PDGFD: variants seen among roughly 807,000 people sequenced by gnomAD.
The protein encoded by PDGFD is platelet-derived growth factor D.
A neutral mutation model predicts 44.7 loss-of-function variants in PDGFD; 30 were observed. That is an observed-to-expected ratio of 0.67 (90% CI 0.50 to 0.91). The LOEUF is 0.91. Ranked by LOEUF, PDGFD falls within the 40% of genes least tolerant of loss-of-function variation. The pLI, the probability that PDGFD is intolerant of heterozygous loss-of-function variation, is 0.00. For missense variants in PDGFD, 445 were observed against 457.8 expected, an observed-to-expected ratio of 0.97 and a Z score of 0.25; for synonymous variants, 173 against 168.4, an observed-to-expected ratio of 1.03 and a Z score of -0.21.
chr11:104,029,809 A>G (rs1281283342), intron 1 of PDGFD, among the ~76,000 whole-genome samples: 1 of 152,208 alleles, frequency 6.6e-6, no homozygotes, highest in Non-Finnish European at 1.5e-5. Flanking sequence ...GTGTATGTGG[A>G]TAACATGAAA....
In PDGFD at chr11:103,943,653, A is replaced by G; in HGVS notation, c.574-3T>C. 6.2e-7 allele frequency: 1 copy of G among 1,610,662 alleles called. No homozygotes were observed. The highest frequency in any genetic ancestry group is 8.5e-7 in the Non-Finnish European group (1 of 1,178,042). ...GATGGAGAGTTATAGGATACCCCCT[A>G]AGAGTGACATACAGCTCAGTGTACT... is the stretch of plus-strand genomic sequence containing the variant. On this transcript the variant is annotated splice_polypyrimidine_tract_variant and splice_region_variant and intron_variant, in intron 4 of 6. Transcript: ENST00000393158.
At chr11:103,989,075 C>T (rs1403420541) in intron 3 of PDGFD, among the ~76,000 whole-genome samples, 1 of 151,918 alleles carries the variant, frequency 6.6e-6, no homozygotes, top group Non-Finnish European at 1.5e-5. Flanking sequence ...TCAGGACTGT[C>T]CCACCAAATT....
At position 104,103,303 on chromosome 11, in the gene PDGFD, ATC is replaced by A. The variant is rs1244375595; in HGVS notation, c.124+60499_124+60500del. On this transcript the variant is annotated intron_variant, in intron 1 of 6. Coordinates refer to ENST00000393158, the MANE Select transcript of PDGFD (RefSeq NM_025208.5). ...TTTTATTTTTATAAGTATAACCAAA[ATC>A]TCTTGTATGTTTTTTCCTCAGTCTC... is the stretch of plus-strand genomic sequence containing the variant. 2.6e-5 allele frequency among the ~76,000 whole-genome samples: 4 copies of A among 151,834 alleles called. No homozygotes were observed. In the East Asian group the frequency reaches 5.8e-4, roughly 22 times the overall value.
At chr11:104,153,501 G>T (rs764254675) in intron 1 of PDGFD, among the ~76,000 whole-genome samples, 1 of 152,096 alleles carries the variant, frequency 6.6e-6, no homozygotes, top group Non-Finnish European at 1.5e-5. Context: ...AACTGAGGAG[G>T]GTTGGGAGTC....
At chr11:104,112,061 T>C (rs929267948) in intron 1 of PDGFD, among the ~76,000 whole-genome samples, 3 of 152,212 alleles carry the variant, frequency 2.0e-5, no homozygotes, top group Non-Finnish European at 4.4e-5. Context: ...ACTTGCATGA[T>C]GGCTGTCATT....
At chr11:103,912,880 C>A (rs544296451) in intron 6 of PDGFD, among the ~76,000 whole-genome samples, 13 of 151,632 alleles carry the variant, frequency 8.6e-5, no homozygotes, top group Non-Finnish European at 1.9e-4. Context: ...TCAAAAGAGA[C>A]AAAGAAGGCC....
intron 3 of PDGFD, among the ~76,000 whole-genome samples, chr11:103,978,771 T>C (rs904227349): frequency 6.6e-6 from 1 of 152,132 alleles, no homozygotes; most frequent in Non-Finnish European, 1.5e-5. Flanking sequence ...ACCCCTGTAC[T>C]AAGTGACGTC....
intron 3 of PDGFD, among the ~76,000 whole-genome samples, chr11:103,988,129 A>G (rs999723687): frequency 4.6e-5 from 7 of 152,130 alleles, no homozygotes; most frequent in Admixed American, 6.6e-5. Flanking sequence ...TATGCAAGCC[A>G]TTTTCTAAAA....
chr11:104,120,762 C>T (rs1392832315), intron 1 of PDGFD, among the ~76,000 whole-genome samples: 1 of 151,838 alleles, frequency 6.6e-6, no homozygotes, highest in Non-Finnish European at 1.5e-5. Context: ...AGGTTTTTCC[C>T]ACTATCCTGT....
chr11:103,964,438 G>A (rs1221999337), intron 3 of PDGFD, among the ~76,000 whole-genome samples: 1 of 152,130 alleles, frequency 6.6e-6, no homozygotes, highest in Non-Finnish European at 1.5e-5. Flanking sequence ...ATTTTCCAAT[G>A]AGGCTGCTTC....
intron 1 of PDGFD, among the ~76,000 whole-genome samples, chr11:104,033,649 C>T (rs752995229): frequency 2.0e-5 from 3 of 151,926 alleles, no homozygotes; most frequent in Non-Finnish European, 4.4e-5. Flanking sequence ...ATTTCATTTG[C>T]TATTAAAAAA....
chr11:104,101,759 C>T (rs920548766), intron 1 of PDGFD, among the ~76,000 whole-genome samples: 10 of 151,990 alleles, frequency 6.6e-5, no homozygotes, highest in South Asian at 4.1e-4. Flanking sequence ...ACAGAGCCCC[C>T]AGAAATAATG....
chr11:104,103,468 A>G (rs570417368), intron 1 of PDGFD, among the ~76,000 whole-genome samples: 20,756 of 57,344 alleles, frequency 0.36, 1,711 homozygotes, highest in African/African-American at 0.4. Flanking sequence ...GTGTGTATAT[A>G]TATATATATA....
chr11:104,042,614 A>G (rs1176222529), intron 1 of PDGFD, among the ~76,000 whole-genome samples: 1 of 152,224 alleles, frequency 6.6e-6, no homozygotes, highest in Non-Finnish European at 1.5e-5. Flanking sequence ...CTCTTATGTT[A>G]AAGTCCCTAG....
At chr11:104,036,226 G>A (rs1259862794) in intron 1 of PDGFD, among the ~76,000 whole-genome samples, 3 of 152,082 alleles carry the variant, frequency 2.0e-5, no homozygotes, top group African/African-American at 7.2e-5. Flanking sequence ...GATTGCTTGA[G>A]CCCAGGAGTT....
At chr11:104,005,517 G>A (rs1001805739) in intron 1 of PDGFD, among the ~76,000 whole-genome samples, 4 of 152,166 alleles carry the variant, frequency 2.6e-5, no homozygotes, top group Non-Finnish European at 5.9e-5. Context: ...GGTTAAACCC[G>A]AGATAAGTAC....
At chr11:103,913,290 TAACA>T (rs754268156) in intron 6 of PDGFD, among the ~76,000 whole-genome samples, 2 of 152,212 alleles carry the variant, frequency 1.3e-5, no homozygotes, top group African/African-American at 2.4e-5. Flanking sequence ...ACAGAAATCC[TAACA>T]AACAGTCTCT....
intron 5 of PDGFD, 131 bp downstream of exon 5, chr11:103,943,321 G>T: frequency 1.2e-6 from 1 of 859,220 alleles, no homozygotes; most frequent in Non-Finnish European, 1.8e-6. Context: ...AAATGTAAAT[G>T]TTCCAAAATC....
intron 5 of PDGFD, among the ~76,000 whole-genome samples, chr11:103,935,397 C>A (rs1858473993): frequency 6.6e-6 from 1 of 151,992 alleles, no homozygotes; most frequent in African/African-American, 2.4e-5. Context: ...TGCTTGCTGG[C>A]AAACAGAGTA....
Sources: allele counts gnomAD v4.1 joint callset (sites outside exome capture counted in the v4.1 genomes callset), GRCh38; gene constraint gnomAD v4.1.1; transcripts MANE v1.5; gene names NCBI Gene and HGNC (gene_info 2026-07-23, HGNC 2026-07-21).